CSMD2: variants seen among roughly 807,000 people sequenced by gnomAD.
CSMD2 encodes the protein CUB and Sushi multiple domains 2.
In CSMD2, 130 loss-of-function variants were observed where a neutral mutation model predicts 398.5. That is an observed-to-expected ratio of 0.33 (90% CI 0.28 to 0.38). The LOEUF (loss-of-function observed/expected upper bound fraction) is 0.38, where lower values mean the gene tolerates loss of function less well. CSMD2 is among the 10% of genes least tolerant of loss of function. The pLI is 1.00. For missense variants in CSMD2, 3,829 were observed against 4,764.9 expected, an observed-to-expected ratio of 0.80 and a Z score of 5.78; for synonymous variants, 1,828 against 1,908.5, an observed-to-expected ratio of 0.96 and a Z score of 1.10.
At chr1:33,708,987 G>A in intron 22 of CSMD2, 102 bp downstream of exon 22, 2 of 1,084,432 alleles carry the variant, frequency 1.8e-6, no homozygotes, top group Non-Finnish European at 2.6e-6. Context: ...GACTCAGGAA[G>A]GAAGGAGAAA....
At chr1:34,015,483 G>T (rs1287557145) in intron 3 of CSMD2, among the ~76,000 whole-genome samples, 1 of 152,206 alleles carries the variant, frequency 6.6e-6, no homozygotes, top group Non-Finnish European at 1.5e-5. Context: ...GGCATGAGGA[G>T]CCACCATGGC....
intron 1 of CSMD2, among the ~76,000 whole-genome samples, chr1:34,152,704 A>G (rs914573291): frequency 6.6e-6 from 1 of 152,068 alleles, no homozygotes; most frequent in African/African-American, 2.4e-5. Flanking sequence ...CTCTTCTTTT[A>G]TAAAAATTGT....
Position 33,796,382 on chromosome 1 carries a change from G to A in CSMD2, c.1447-3856C>T, listed in dbSNP as rs372740015. Among the ~76,000 whole-genome samples, 18 of 152,296 alleles carry A rather than the reference G, an allele frequency of 1.2e-4. No homozygotes were observed. In the East Asian group the frequency reaches 2.7e-3, roughly 23 times the overall value. On this transcript the variant is annotated intron_variant, in intron 10 of 70. Transcript: ENST00000373381. The stretch of plus-strand genomic sequence containing the variant: ...AATTGTGAAGATTTCATTTTAATAT[G>A]GACATATATCAGTTCCCAAATAATA...
At chr1:33,713,184 A>G (rs1473730342) in intron 21 of CSMD2, among the ~76,000 whole-genome samples, 1 of 152,096 alleles carries the variant, frequency 6.6e-6, no homozygotes, top group East Asian at 1.9e-4. Flanking sequence ...GGCGTTGGTA[A>G]GTGGCAGAGC....
At chr1:34,081,838 G>A (rs1046054993) in intron 2 of CSMD2, among the ~76,000 whole-genome samples, 1 of 152,082 alleles carries the variant, frequency 6.6e-6, no homozygotes, top group African/African-American at 2.4e-5. Flanking sequence ...TAGGAAGTGA[G>A]GAGCGTCTCT....
At chr1:33,960,400 C>A (rs1645315583) in intron 3 of CSMD2, among the ~76,000 whole-genome samples, 1 of 152,214 alleles carries the variant, frequency 6.6e-6, no homozygotes, top group Non-Finnish European at 1.5e-5. Flanking sequence ...CAGACATTAT[C>A]AGACCACTGA....
chr1:33,804,939 C>T (rs965691070), intron 10 of CSMD2: 9 of 715,400 alleles, frequency 1.3e-5, no homozygotes, highest in Admixed American at 1.0e-4. Context: ...TCTGGGCTCC[C>T]TCAGCACTAC....
intron 5 of CSMD2, among the ~76,000 whole-genome samples, chr1:33,914,036 G>T (rs2125272356): frequency 6.6e-6 from 1 of 152,204 alleles, no homozygotes; most frequent in African/African-American, 2.4e-5. Context: ...TGTTAAAAGG[G>T]TCTTCTGTAT....
intron 5 of CSMD2, chr1:33,870,427 T>A (rs1002479017): frequency 6.6e-6 from 1 of 152,148 alleles, no homozygotes; most frequent in African/African-American, 2.4e-5. Flanking sequence ...CCCTTCAGGT[T>A]GGCCCTGACC....
chr1:34,164,467 G>A lies in CSMD2; in HGVS notation c.187+444C>T, dbSNP rs1164730189. On this transcript the variant is annotated intron_variant, in intron 1 of 70. Transcript: ENST00000373381. The surrounding 1 kb of genome is among the most constrained non-coding windows in gnomAD (Gnocchi z 6.2). The stretch of plus-strand genomic sequence containing the variant: ...CCTTGCAGACGCAGAAATGGGGAGG[G>A]GGCGCACGGTTCCTCTCCAGCCCCC... Among the ~76,000 whole-genome samples, 1 of 152,016 alleles carries A rather than the reference G, an allele frequency of 6.6e-6. No individual in the cohort carries two copies. The highest frequency in any genetic ancestry group is 1.5e-5 in the Non-Finnish European group (1 of 67,998).
chr1:33,796,628 G>A (rs1288645028), intron 10 of CSMD2, among the ~76,000 whole-genome samples: 1 of 108,636 alleles, frequency 9.2e-6, no homozygotes, highest in South Asian at 2.6e-4. Flanking sequence ...ATTGTAAAAC[G>A]TGTGTTTGAA....
intron 5 of CSMD2, among the ~76,000 whole-genome samples, chr1:33,916,280 G>A (rs1357490198): frequency 6.6e-6 from 1 of 152,030 alleles, no homozygotes; most frequent in Non-Finnish European, 1.5e-5. Flanking sequence ...AAGGTCAAAG[G>A]GGAGTACATC....
At chr1:33,710,080 T>G (rs1645932725) in intron 21 of CSMD2, among the ~76,000 whole-genome samples, 1 of 152,238 alleles carries the variant, frequency 6.6e-6, no homozygotes, top group Non-Finnish European at 1.5e-5. Flanking sequence ...TTTACTTCAC[T>G]TATTTGTTAA....
Position 33,614,510 on chromosome 1 carries a change from C to T in CSMD2, c.6127G>A (p.Gly2043Ser). 6.3e-7 allele frequency: 1 copy of T among 1,592,652 alleles called. No homozygotes were observed. Among genetic ancestry groups the T allele is most frequent in the Admixed American group, 1.7e-5 (1 of 59,988 alleles). Residue 2043 changes from glycine (G) to serine (S), a missense_variant, in exon 40 of 71, where the codon GGC becomes AGC. Physicochemically the swap from Gly to Ser is moderately conservative, Grantham distance 56. This residue lies in a region of CSMD2 where 2,001 missense variants were observed against 2,567.1 expected (regional missense o/e 0.78). Coordinates refer to ENST00000373381, the MANE Select transcript of CSMD2 (RefSeq NM_001281956.2). ...DCSWKIALPVGFGAHIQFLNF... is the reference protein window; with the variant it reads ...DCSWKIALPVSFGAHIQFLNF... ...GGGGGCTGCAGAGACTTACCAAAGC[C>T]CACGGGCAGTGCTATTTTCCAGGAG...
chr1:33,606,036 A>T, intron 41 of CSMD2: 1 of 1,577,662 alleles, frequency 6.3e-7, no homozygotes, highest in Non-Finnish European at 8.6e-7. Flanking sequence ...GGGCTAAGGG[A>T]CGTGTGGCTG....
intron 53 of CSMD2, among the ~76,000 whole-genome samples, chr1:33,562,917 G>A (rs1035812377): frequency 6.6e-6 from 1 of 152,318 alleles, no homozygotes; most frequent in South Asian, 2.1e-4. Context: ...GGACTTGCCA[G>A]CCTCCACAAT....
At chr1:33,653,046 C>T (rs972433937) in intron 27 of CSMD2, among the ~76,000 whole-genome samples, 10 of 152,142 alleles carry the variant, frequency 6.6e-5, no homozygotes, top group African/African-American at 1.2e-4. Context: ...CGTGAGCCAC[C>T]GCGCCCGGCC....
At chr1:33,611,964 A>G (rs1273423436) in intron 40 of CSMD2, among the ~76,000 whole-genome samples, 1 of 152,262 alleles carries the variant, frequency 6.6e-6, no homozygotes, top group African/African-American at 2.4e-5. Flanking sequence ...GAAAAAGCCC[A>G]TATTGCATTG....
intron 11 of CSMD2, among the ~76,000 whole-genome samples, chr1:33,790,121 G>C (rs1020698686): frequency 2.0e-5 from 3 of 152,190 alleles, no homozygotes; most frequent in African/African-American, 7.2e-5. Flanking sequence ...AAAGAGCTGA[G>C]GCACCATATG....
Sources: gnomAD v4.1 joint callset for allele counts (sites outside exome capture counted in the v4.1 genomes callset) on GRCh38, gnomAD v4.1.1 for gene constraint, gnomAD v4.1.1 regional missense constraint, Gnocchi (gnomAD v3.1) non-coding constraint, MANE v1.5 for transcripts, NCBI Gene and HGNC (gene_info 2026-07-23, HGNC 2026-07-21) for gene names.